The following AAR2 variants were observed in gnomAD, a reference collection of about 807,000 sequenced individuals.
The protein encoded by AAR2 is protein AAR2 homolog.
AAR2 carries 31 observed loss-of-function variants against 26.9 expected under a neutral mutation model. The observed-to-expected ratio is 1.15, with a 90% CI of 0.86 to 1.55. The LOEUF is 1.55. Ranked by LOEUF, AAR2 falls within the 40% of genes most tolerant of loss-of-function variation. The pLI is 0.00. For synonymous variants in AAR2, 188 were observed against 196.1 expected, an observed-to-expected ratio of 0.96 and a Z score of 0.34; for missense variants, 430 against 491.3, an observed-to-expected ratio of 0.88 and a Z score of 1.18.
Position 36,244,693 on chromosome 20 carries a change from T to A in AAR2, c.758-4T>A. ...GAATCACTTCTCCTCTCTGCACCTTTCAGGTGAACTCCAGTTTGCTTTTGT... is the reference window on the plus strand; with the variant it reads ...GAATCACTTCTCCTCTCTGCACCTTACAGGTGAACTCCAGTTTGCTTTTGT... On this transcript the variant is annotated splice_polypyrimidine_tract_variant and splice_region_variant and intron_variant, in intron 2 of 3. Transcript: ENST00000320849. 6.2e-7 allele frequency: 1 copy of A among 1,613,844 alleles called. No homozygotes were observed. The highest frequency in any genetic ancestry group is 1.1e-5 in the South Asian group (1 of 91,066).
In AAR2 at chr20:36,244,786, C is replaced by T. The variant is rs781465836; in HGVS notation, c.847C>T (p.Arg283Trp). 1.8e-5 allele frequency: 29 copies of T among 1,614,046 alleles called. No individual in the cohort carries two copies. Among genetic ancestry groups the T allele is most frequent in the Middle Eastern group, 1.6e-4 (1 of 6,084 alleles). ...GAAGCGGCTCCTGAACCTCCTGTGC[C>T]GGTCAGAAGCAGCCATGATGAAGCA... ...HWKRLLNLLC[R>W]SEAAMMKHHT... is the part of the protein sequence containing the mutation. The change falls in exon 3 of 4, where the codon CGG becomes TGG. Residue 283 changes from arginine (R) to tryptophan (W), a missense_variant. Physicochemically the swap from Arg to Trp is moderately radical, Grantham distance 101. Transcript: ENST00000320849.
intron 1 of AAR2, among the ~76,000 whole-genome samples, chr20:36,236,970 C>T (rs918354185): frequency 3.3e-5 from 5 of 152,166 alleles, no homozygotes; most frequent in Non-Finnish European, 7.3e-5. Context: ...CGGAAAGGTA[C>T]AAGGCACCCC....
intron 2 of AAR2, among the ~76,000 whole-genome samples, chr20:36,241,519 A>G (rs2064680306): frequency 6.6e-6 from 1 of 151,992 alleles, no homozygotes; most frequent in Non-Finnish European, 1.5e-5. Flanking sequence ...GGGTGTGGTG[A>G]CTCACACCTG....
In AAR2 at chr20:36,236,514, C is replaced by T. The variant is rs1049865887; in HGVS notation, c.-49+11C>T. The T allele has an allele frequency of 6.6e-6, 1 of 152,200 alleles. No homozygotes were observed. The highest frequency in any genetic ancestry group is 1.5e-5 in the Non-Finnish European group (1 of 68,042). The allele number at this position is 152,200 out of a possible 1,614,324, so 9.4% of individuals were successfully genotyped here. A position where few individuals can be genotyped will look rare whatever the true frequency, so the allele number is the denominator to read the frequency against. On this transcript the variant is annotated intron_variant, in intron 1 of 3. Coordinates refer to ENST00000320849, the MANE Select transcript of AAR2 (RefSeq NM_001271874.2). ...ACGTGGGGCGAGGCGGTGAGTGTGG[C>T]CTCCTGGCCTCTTTTTCCTTTCCTG...
chr20:36,245,693 A>T (rs192199299), intron 3 of AAR2, among the ~76,000 whole-genome samples: 53 of 152,112 alleles, frequency 3.5e-4, no homozygotes, highest in Admixed American at 6.6e-4. Context: ...CAACCTTCCA[A>T]TCCCACTCGG....
At position 36,239,848 on chromosome 20, in the gene AAR2, T is replaced by C; in HGVS notation, c.-21T>C. ...GTTCATCAAAGAAAAAGGGTTCTTT[T>C]GGTCACCCACCACTGGCCCCATGGC... is the stretch of plus-strand genomic sequence containing the variant. On this transcript the variant is annotated 5_prime_UTR_variant, in exon 2 of 4. Transcript: ENST00000320849. The C allele has an allele frequency of 6.5e-7, 1 of 1,533,956 alleles. No individual in the cohort carries two copies.
rs1354765284 is a variant in AAR2, at chr20:36,256,340, C to CAAA, written c.*596_*597insAAA. 1 of 152,462 alleles carries CAAA rather than the reference C, an allele frequency of 6.6e-6. No individual in the cohort carries two copies. The highest frequency in any genetic ancestry group is 2.4e-5 in the African/African-American group (1 of 41,432). 9.4% of individuals were successfully genotyped at this position (152,462 alleles called of 1,614,324 possible). On this transcript the variant is annotated 3_prime_UTR_variant, in exon 4 of 4. Transcript: ENST00000320849. ...ATTCAATCTAGCAGGTGGTCAGCTT[C>CAAA]AGCTTTCTCCATCGAAATCCCATTC... is the stretch of plus-strand genomic sequence containing the variant.
At chr20:36,250,485 TAAAAG>T (rs1478234500) in intron 3 of AAR2, among the ~76,000 whole-genome samples, 2 of 152,130 alleles carry the variant, frequency 1.3e-5, no homozygotes, top group Admixed American at 6.5e-5. Flanking sequence ...AATCTGAAAA[TAAAAG>T]AATCAGAATA....
intron 3 of AAR2, among the ~76,000 whole-genome samples, chr20:36,250,788 A>G (rs2064773950): frequency 2.0e-5 from 3 of 152,152 alleles, no homozygotes; most frequent in African/African-American, 2.4e-5. Context: ...CATGTATCAT[A>G]TGGTGGTTGC....
chr20:36,237,980 T>C (rs2064633862), intron 1 of AAR2, among the ~76,000 whole-genome samples: 1 of 151,896 alleles, frequency 6.6e-6, no homozygotes. Context: ...GAGATGGGGT[T>C]TCACAGTATT....
chr20:36,247,819 A>G (rs564964651), intron 3 of AAR2, among the ~76,000 whole-genome samples: 7 of 152,272 alleles, frequency 4.6e-5, no homozygotes, highest in African/African-American at 1.7e-4. Context: ...CAGTGATTCG[A>G]GATTGCACCA....
chr20:36,240,391 G>A lies in AAR2; in HGVS notation c.523G>A (p.Gly175Arg). The change falls in exon 2 of 4, where the codon GGG becomes AGG. Residue 175 changes from glycine (G) to arginine (R), a missense_variant. Transcript: ENST00000320849. ...LSMKHTKDRVGQNLPRCGIEC... is the reference protein window; with the variant it reads ...LSMKHTKDRVRQNLPRCGIEC... ...CATGAAGCACACCAAGGACCGCGTGGGGCAGAATCTACCCCGCTGTGGCAT... is the reference window on the plus strand; with the variant it reads ...CATGAAGCACACCAAGGACCGCGTGAGGCAGAATCTACCCCGCTGTGGCAT... 6.2e-7 allele frequency: 1 copy of A among 1,614,204 alleles called. No individual in the cohort carries two copies. The highest frequency in any genetic ancestry group is 8.5e-7 in the Non-Finnish European group (1 of 1,180,046).
chr20:36,244,549 T>C (rs2064714483), intron 2 of AAR2, 148 bp from the exon 3 acceptor site: 1 of 756,610 alleles, frequency 1.3e-6, no homozygotes, highest in African/African-American at 1.7e-5. Flanking sequence ...AGGTGCAAAA[T>C]CTCCTGCCAG....
chr20:36,247,102 A>T (rs1039187859), intron 3 of AAR2, among the ~76,000 whole-genome samples: 12 of 152,340 alleles, frequency 7.9e-5, no homozygotes, highest in African/African-American at 2.2e-4. Context: ...GTAATTTGAG[A>T]AAGTTAACAG....
At chr20:36,244,997 C>T in intron 3 of AAR2, 71 bp downstream of exon 3, 1 of 1,416,046 alleles carries the variant, frequency 7.1e-7, no homozygotes, top group East Asian at 2.3e-5. Flanking sequence ...TGTTTTGTTT[C>T]TCGCTATTCT....
intron 2 of AAR2, among the ~76,000 whole-genome samples, chr20:36,242,143 CTTTT>C (rs11333425): frequency 2.9e-5 from 3 of 102,062 alleles, no homozygotes; most frequent in Admixed American, 1.0e-4. Flanking sequence ...TGTAGGACTT[CTTTT>C]TTTTTTTTTT....
chr20:36,253,119 C>T (rs951580482), intron 3 of AAR2, among the ~76,000 whole-genome samples: 3 of 151,166 alleles, frequency 2.0e-5, no homozygotes, highest in Non-Finnish European at 2.9e-5. Flanking sequence ...GCTACTCCAA[C>T]GGAATGGCTC....
intron 3 of AAR2, among the ~76,000 whole-genome samples, chr20:36,250,197 T>G (rs1290097850): frequency 3.9e-5 from 6 of 152,244 alleles, no homozygotes; most frequent in Non-Finnish European, 5.9e-5. Context: ...CTAAAGTAAT[T>G]TAGAATTTCA....
Position 36,244,877 on chromosome 20 carries a change from T to A in AAR2, c.938T>A (p.Phe313Tyr). 1.2e-6 allele frequency: 2 copies of A among 1,614,186 alleles called. No homozygotes were observed. Among genetic ancestry groups the A allele is most frequent in the East Asian group, 4.5e-5 (2 of 44,888 alleles). ...CAGCTTGGTGAGATCCCCGCTGACT[T>A]CTTCGTAGACATTGTCTCCCAAGAC... ...YHQLGEIPAD[F>Y]FVDIVSQDNF... Residue 313 changes from phenylalanine to tyrosine, a missense_variant, in exon 3 of 4, where the codon TTC (phenylalanine) becomes TAC (tyrosine). By Grantham distance (22) the Phe-to-Tyr change is conservative. Coordinates refer to ENST00000320849, the MANE Select transcript of AAR2 (RefSeq NM_001271874.2).
Sources: allele counts gnomAD v4.1 joint callset (sites outside exome capture counted in the v4.1 genomes callset), GRCh38; gene constraint gnomAD v4.1.1; transcripts MANE v1.5; gene names NCBI Gene and HGNC (gene_info 2026-07-23, HGNC 2026-07-21).